Variants in CACNA2D1 observed in about 807,000 individuals in gnomAD.
The protein encoded by CACNA2D1 is voltage-dependent calcium channel subunit alpha-2/delta-1.
A neutral mutation model predicts 171.5 loss-of-function variants in CACNA2D1; 53 were observed. The observed-to-expected ratio is 0.31, with a 90% CI of 0.25 to 0.39. CACNA2D1 has a LOEUF of 0.39. CACNA2D1 is among the 10% of genes least tolerant of loss of function. The probability of loss-of-function intolerance (pLI) is 1.00; values close to 1 mark genes in which losing one functional copy is unlikely to be tolerated. For synonymous variants in CACNA2D1, 442 were observed against 443.1 expected, an observed-to-expected ratio of 1.00 and a Z score of 0.03; for missense variants, 903 against 1,299.8, an observed-to-expected ratio of 0.69 and a Z score of 4.69.
intron 1 of CACNA2D1, among the ~76,000 whole-genome samples, chr7:82,373,120 G>T (rs1179893270): frequency 1.3e-5 from 2 of 152,090 alleles, no homozygotes; most frequent in Admixed American, 6.6e-5. Flanking sequence ...GGAGGCAAAG[G>T]TTGCAGTGAA....
Position 82,443,761 on chromosome 7 carries a change from G to A in CACNA2D1, c.-302C>T. On this transcript the variant is annotated 5_prime_UTR_variant, in exon 1 of 39. Transcript: ENST00000356860. The stretch of plus-strand genomic sequence containing the variant: ...AACAGACCTCGGCGAGCCCGCCGGC[G>A]CTCGCGCGCTCTCGCTCTCCCTCTC... 2 of 1,132,220 alleles carry A rather than the reference G, an allele frequency of 1.8e-6. No individual in the cohort carries two copies. Among genetic ancestry groups the A allele is most frequent in the Non-Finnish European group, 2.2e-6 (2 of 897,626 alleles). The allele number at this position is 1,132,220 out of a possible 1,614,324, so 70.1% of individuals were successfully genotyped here.
intron 1 of CACNA2D1, among the ~76,000 whole-genome samples, chr7:82,412,812 G>A (rs1827814782): frequency 6.6e-6 from 1 of 151,874 alleles, no homozygotes; most frequent in African/African-American, 2.4e-5. Context: ...TATTCAAAAA[G>A]TCTATTTAGA....
At chr7:82,128,648 A>G (rs971528729) in intron 5 of CACNA2D1, among the ~76,000 whole-genome samples, 2 of 152,202 alleles carry the variant, frequency 1.3e-5, no homozygotes, top group African/African-American at 2.4e-5. Flanking sequence ...CTACACAAAC[A>G]TGATCCTGGT....
At chr7:82,086,459 G>C (rs1810495712) in intron 6 of CACNA2D1, among the ~76,000 whole-genome samples, 1 of 152,052 alleles carries the variant, frequency 6.6e-6, no homozygotes, top group South Asian at 2.1e-4. Context: ...GATCCATCGT[G>C]CATCTGAGAT....
chr7:82,113,595 G>A (rs1287177241), intron 6 of CACNA2D1, among the ~76,000 whole-genome samples: 2 of 152,092 alleles, frequency 1.3e-5, no homozygotes, highest in East Asian at 3.9e-4. Context: ...ATTAGAACAC[G>A]AGGTTTCTTA....
intron 1 of CACNA2D1, among the ~76,000 whole-genome samples, chr7:82,369,357 G>A (rs927683001): frequency 2.0e-5 from 3 of 150,956 alleles, no homozygotes; most frequent in Non-Finnish European, 2.9e-5. Flanking sequence ...CTGCTTGTAG[G>A]GACTTTTTCA....
intron 7 of CACNA2D1, 44 bp from the exon 8 acceptor site, chr7:82,066,568 A>T (rs779022070): frequency 6.4e-7 from 1 of 1,557,572 alleles, no homozygotes; most frequent in South Asian, 1.2e-5. Context: ...AAAATATTAG[A>T]TATGCTCTAA....
intron 1 of CACNA2D1, among the ~76,000 whole-genome samples, chr7:82,398,716 T>A (rs1206251276): frequency 6.6e-6 from 1 of 151,964 alleles, no homozygotes; most frequent in African/African-American, 2.4e-5. Context: ...TAGCTGGGAC[T>A]ACAGGCGTGC....
At chr7:82,138,301 G>T (rs1791920383) in intron 4 of CACNA2D1, among the ~76,000 whole-genome samples, 1 of 151,934 alleles carries the variant, frequency 6.6e-6, no homozygotes, top group African/African-American at 2.4e-5. Context: ...TGAAACCCAT[G>T]AATTTGAATT....
intron 3 of CACNA2D1, among the ~76,000 whole-genome samples, chr7:82,261,603 T>A (rs972405330): frequency 6.6e-6 from 1 of 152,220 alleles, no homozygotes; most frequent in East Asian, 1.9e-4. Flanking sequence ...ATTCTACTTA[T>A]GCATTTCTAA....
At chr7:82,282,287 G>A (rs1035146744) in intron 3 of CACNA2D1, among the ~76,000 whole-genome samples, 29 of 152,262 alleles carry the variant, frequency 1.9e-4, no homozygotes, top group African/African-American at 7.0e-4. Context: ...GACAGAACCA[G>A]ATTCTGTCTC....
chr7:82,335,863 G>A (rs371162272), intron 2 of CACNA2D1, among the ~76,000 whole-genome samples: 1 of 152,136 alleles, frequency 6.6e-6, no homozygotes, highest in East Asian at 1.9e-4. Context: ...CTGAATTAAA[G>A]TATACTGAAT....
intron 1 of CACNA2D1, among the ~76,000 whole-genome samples, chr7:82,355,531 C>T (rs1353437761): frequency 1.3e-5 from 2 of 152,018 alleles, no homozygotes; most frequent in South Asian, 2.1e-4. Flanking sequence ...TGAAAGAAAA[C>T]GATGAGAAGC....
At chr7:82,422,227 C>G (rs1040059668) in intron 1 of CACNA2D1, among the ~76,000 whole-genome samples, 3 of 152,086 alleles carry the variant, frequency 2.0e-5, no homozygotes, top group Non-Finnish European at 2.9e-5. Flanking sequence ...ATAATGGTCA[C>G]CAAGGTGTTG....
chr7:82,013,772 T>TATCATTAA (rs1800084346), intron 13 of CACNA2D1, among the ~76,000 whole-genome samples: 2 of 151,878 alleles, frequency 1.3e-5, no homozygotes. Flanking sequence ...GGAAACATGG[T>TATCATTAA]ATCATTAAAA....
At chr7:82,432,983 C>T (rs1044406980) in intron 1 of CACNA2D1, among the ~76,000 whole-genome samples, 1 of 152,020 alleles carries the variant, frequency 6.6e-6, no homozygotes, top group Non-Finnish European at 1.5e-5. Flanking sequence ...GTCAGGAGTT[C>T]GAGACCAGCC....
At chr7:82,011,236 G>A (rs181006504) in intron 15 of CACNA2D1, among the ~76,000 whole-genome samples, 1 of 151,896 alleles carries the variant, frequency 6.6e-6, no homozygotes, top group African/African-American at 2.4e-5. Context: ...AATTGTCTTG[G>A]GCCACACCTA....
intron 3 of CACNA2D1, among the ~76,000 whole-genome samples, chr7:82,278,630 A>T (rs935950378): frequency 6.6e-6 from 1 of 151,838 alleles, no homozygotes; most frequent in South Asian, 2.1e-4. Context: ...AGTGGAGATG[A>T]TAAGTTCCAA....
intron 1 of CACNA2D1, among the ~76,000 whole-genome samples, chr7:82,432,037 T>TAAAAAAAAAAAAAAAAAAAAAAA (rs34180150): frequency 1.1e-4 from 9 of 82,212 alleles, no homozygotes; most frequent in African/African-American, 6.9e-4. Context: ...GACTCTGTCT[T>TAAAAAAAAAAAAAAAAAAAAAAA]AAAAAAAAAA....
Sources: allele counts gnomAD v4.1 joint callset (sites outside exome capture counted in the v4.1 genomes callset), GRCh38; gene constraint gnomAD v4.1.1; transcripts MANE v1.5; gene names NCBI Gene and HGNC (gene_info 2026-07-23, HGNC 2026-07-21).